Variants in PRKAG2 observed in about 807,000 individuals in gnomAD.
PRKAG2 encodes the protein protein kinase AMP-activated non-catalytic subunit gamma 2.
A neutral mutation model predicts 69.6 loss-of-function variants in PRKAG2; 26 were observed. The ratio of observed to expected loss-of-function variants is 0.37; its 90% CI spans 0.27 to 0.52. The LOEUF (loss-of-function observed/expected upper bound fraction) is 0.52, where lower values mean the gene tolerates loss of function less well. PRKAG2 is among the 20% of genes least tolerant of loss of function. The pLI is 0.90. For missense variants in PRKAG2, 557 were observed against 740.0 expected (o/e 0.75, Z 2.87); for synonymous variants, 293 against 285.0 (o/e 1.03, Z -0.28).
chr7:151,608,925 C>CT (rs1818146162), intron 5 of PRKAG2, among the ~76,000 whole-genome samples: 1 of 151,764 alleles, frequency 6.6e-6, no homozygotes, highest in Admixed American at 6.6e-5. Context: ...GGGTCGCACA[C>CT]TATGTTGCCC....
At chr7:151,813,399 C>T (rs1230932731) in intron 1 of PRKAG2, among the ~76,000 whole-genome samples, 4 of 151,676 alleles carry the variant, frequency 2.6e-5, no homozygotes, top group Non-Finnish European at 5.9e-5. Flanking sequence ...TCAAGCGACC[C>T]CCAGGTCACT....
chr7:151,568,978 G>C, intron 10 of PRKAG2, 136 bp from the exon 11 acceptor site: 1 of 1,029,004 alleles, frequency 9.7e-7, no homozygotes, highest in Non-Finnish European at 1.5e-6. Context: ...TTTTAAATTA[G>C]AGATCTCAGC....
chr7:151,563,043 C>T (rs1202159780), intron 14 of PRKAG2, among the ~76,000 whole-genome samples: 1 of 152,044 alleles, frequency 6.6e-6, no homozygotes, highest in Non-Finnish European at 1.5e-5. Flanking sequence ...GAGAATTAAG[C>T]AGTTCTCTCA....
At chr7:151,730,483 TAGGGA>T (rs1798751302) in intron 3 of PRKAG2, among the ~76,000 whole-genome samples, 1 of 152,176 alleles carries the variant, frequency 6.6e-6, no homozygotes, top group Non-Finnish European at 1.5e-5. Context: ...CTGGGCAACA[TAGGGA>T]AACCCCGTCT....
At chr7:151,755,101 G>C (rs1046782620) in intron 3 of PRKAG2, among the ~76,000 whole-genome samples, 2 of 152,284 alleles carry the variant, frequency 1.3e-5, no homozygotes, top group South Asian at 2.1e-4. Context: ...CCTGAGCGGG[G>C]GTCGGGGGCT....
intron 1 of PRKAG2, among the ~76,000 whole-genome samples, chr7:151,801,764 G>C (rs1217239941): frequency 6.6e-6 from 1 of 152,240 alleles, no homozygotes; most frequent in Non-Finnish European, 1.5e-5. Flanking sequence ...AAAGTCACCA[G>C]AGGAGGAGAG....
intron 3 of PRKAG2, among the ~76,000 whole-genome samples, chr7:151,769,887 G>T (rs2075935186): frequency 6.6e-6 from 1 of 152,146 alleles, no homozygotes; most frequent in African/African-American, 2.4e-5. Context: ...CACTGCTAGG[G>T]ACCACGGAGG....
intron 3 of PRKAG2, among the ~76,000 whole-genome samples, chr7:151,705,443 G>A (rs1838422604): frequency 6.6e-6 from 1 of 152,142 alleles, no homozygotes; most frequent in South Asian, 2.1e-4. Context: ...GGATCACCCC[G>A]GTATGCCGAA....
In PRKAG2 at chr7:151,732,454, C is replaced by T. The variant is rs150265623; in HGVS notation, c.466+48698G>A. Among the ~76,000 whole-genome samples, 1,124 of 152,054 alleles carry T rather than the reference C, an allele frequency of 7.4e-3. 6 individuals are homozygous for T. Among genetic ancestry groups the T allele is most frequent in the Middle Eastern group, 0.01 (3 of 292 alleles). ...GAACCCAGCCCTGAGATTCTATCTC[C>T]GGGAATAACTGTATGAAGGAGAGGG... is the stretch of plus-strand genomic sequence containing the variant. On this transcript the variant is annotated intron_variant, in intron 3 of 15. Coordinates refer to ENST00000287878, the MANE Select transcript of PRKAG2 (RefSeq NM_016203.4).
chr7:151,558,019 T>C, intron 15 of PRKAG2: 1 of 985,244 alleles, frequency 1.0e-6, no homozygotes, highest in Non-Finnish European at 1.2e-6. Flanking sequence ...GGAGCTTCTC[T>C]CCTAATTTTT....
At position 151,556,198 on chromosome 7, in the gene PRKAG2, C is replaced by T. The variant is rs1241253151; in HGVS notation, c.*1003G>A. The T allele has an allele frequency of 1.3e-5, 2 of 150,146 alleles. No homozygotes were observed. The allele number at this position is 150,146 out of a possible 1,614,324, so 9.3% of individuals were successfully genotyped here. ...CCAAAACAAAAAAAAAACAAACTAT[C>T]CTCATATATATATATACAGTGTCAA... On this transcript the variant is annotated 3_prime_UTR_variant, in exon 16 of 16. Transcript: ENST00000287878.
At chr7:151,645,243 A>T (rs1827365739) in intron 4 of PRKAG2, among the ~76,000 whole-genome samples, 1 of 152,188 alleles carries the variant, frequency 6.6e-6, no homozygotes, top group Non-Finnish European at 1.5e-5. Context: ...TTGTCTTTCT[A>T]GCAGATCACT....
chr7:151,871,424 G>C (rs2080217751), intron 1 of PRKAG2, among the ~76,000 whole-genome samples: 1 of 152,200 alleles, frequency 6.6e-6, no homozygotes, highest in African/African-American at 2.4e-5. Flanking sequence ...GGCCAGCATG[G>C]CCTCAGGATA....
chr7:151,688,114 C>T (rs1835056613), intron 3 of PRKAG2, among the ~76,000 whole-genome samples: 2 of 140,752 alleles, frequency 1.4e-5, no homozygotes, highest in African/African-American at 5.2e-5. Context: ...AAGGGAAGGA[C>T]ACCAATTCAA....
At chr7:151,874,201 GT>G (rs2080306911) in intron 1 of PRKAG2, among the ~76,000 whole-genome samples, 2 of 124,754 alleles carry the variant, frequency 1.6e-5, no homozygotes, top group South Asian at 4.7e-4. Context: ...TGTATATGAT[GT>G]ATATGTATAT....
At chr7:151,564,248 T>C in intron 13 of PRKAG2, 24 bp from the exon 14 acceptor site, 1 of 1,613,412 alleles carries the variant, frequency 6.2e-7, no homozygotes, top group Non-Finnish European at 8.5e-7. Context: ...AGAGAATAAA[T>C]TATATCCTTT....
chr7:151,850,024 A>G lies in PRKAG2; in HGVS notation c.114+26483T>C, dbSNP rs2079531707. Among the ~76,000 whole-genome samples, 1 of 152,174 alleles carries G rather than the reference A, an allele frequency of 6.6e-6. No homozygotes were observed. Among genetic ancestry groups the G allele is most frequent in the Non-Finnish European group, 1.5e-5 (1 of 68,032 alleles). On this transcript the variant is annotated intron_variant, in intron 1 of 15. Transcript: ENST00000287878. The surrounding 1 kb of genome is among the most constrained non-coding windows in gnomAD (Gnocchi z 4.1). Reference sequence around the variant, plus strand: ...TTTGCCATTTTCCGGAGCGTGCTGTAGCTAGGCACAGAGAGGCTCTGCTGG... The same window carrying G: ...TTTGCCATTTTCCGGAGCGTGCTGTGGCTAGGCACAGAGAGGCTCTGCTGG...
In PRKAG2 at chr7:151,625,038, T is replaced by C. The variant is rs141136891; in HGVS notation, c.754+7031A>G. 6.8e-3 allele frequency among the ~76,000 whole-genome samples: 1,029 copies of C among 152,206 alleles called. 15 individuals carry two copies. Among genetic ancestry groups the C allele is most frequent in the African/African-American group, 0.024 (992 of 41,518 alleles). On this transcript the variant is annotated intron_variant, in intron 5 of 15. Transcript: ENST00000287878. ...CCCAGTGGCCTCAAGACCTGGCAAA[T>C]ATTAAGATTTCAGTCTCCATCCTCA...
intron 1 of PRKAG2, among the ~76,000 whole-genome samples, chr7:151,792,321 A>G (rs79637471): frequency 0.049 from 7,449 of 152,254 alleles, 567 homozygotes; most frequent in African/African-American, 0.17. Flanking sequence ...AGTCTAAAAA[A>G]TCCCACCACC....
Sources: gnomAD v4.1 joint callset for allele counts (sites outside exome capture counted in the v4.1 genomes callset) on GRCh38, gnomAD v4.1.1 for gene constraint, Gnocchi (gnomAD v3.1) non-coding constraint, MANE v1.5 for transcripts, NCBI Gene and HGNC (gene_info 2026-07-23, HGNC 2026-07-21) for gene names.